The following TONSL variants were observed in gnomAD, a reference collection of about 807,000 sequenced individuals.
The protein encoded by TONSL is tonsoku like, DNA repair protein.
TONSL carries 112 observed loss-of-function variants against 147.1 expected under a neutral mutation model. The observed-to-expected ratio is 0.76, with a 90% CI of 0.65 to 0.89. TONSL has a LOEUF of 0.89. Among genes scored for constraint, TONSL ranks in the 40% least tolerant of loss-of-function variants. The probability of loss-of-function intolerance (pLI) is 0.00; values close to 1 mark genes in which losing one functional copy is unlikely to be tolerated. For synonymous variants in TONSL, 868 were observed against 801.5 expected (o/e 1.08, Z -1.40); for missense variants, 1,883 against 1,864.6 (o/e 1.01, Z -0.18).
chr8:144,444,182 T>C lies in TONSL; in HGVS notation c.119A>G (p.His40Arg). ...CGCCTCCTGGTCCCGGCGCTCACCA[T>C]GGCCGGCCAGGAGCTCCCCCAGCTG... ...CHQLGELLAG[H>R]GRYAEALEQH... Residue 40 changes from histidine (H) to arginine (R), a missense_variant and splice_region_variant, in exon 2 of 26, where the codon CAT (histidine) becomes CGT (arginine). Transcript: ENST00000409379. 1 of 1,445,292 alleles carries C rather than the reference T, an allele frequency of 6.9e-7. No individual in the cohort carries two copies. The highest frequency in any genetic ancestry group is 9.1e-7 in the Non-Finnish European group (1 of 1,101,764). 89.5% of individuals were successfully genotyped at this position (1,445,292 alleles called of 1,614,324 possible).
intron 20 of TONSL, 119 bp from the exon 21 acceptor site, chr8:144,434,398 G>T: frequency 1.1e-6 from 1 of 902,608 alleles, no homozygotes; most frequent in Non-Finnish European, 1.6e-6. Context: ...CAGACTTGCT[G>T]TAGAGCCCAC....
intron 23 of TONSL, among the ~76,000 whole-genome samples, 157 bp downstream of exon 23, chr8:144,432,128 C>T (rs182751671): frequency 6.7e-4 from 102 of 152,212 alleles, no homozygotes; most frequent in Non-Finnish European, 9.3e-4. Flanking sequence ...GCCTGGCCCC[C>T]CAGCTGTTTT....
At chr8:144,429,684 C>A (rs1015142050) in intron 25 of TONSL, among the ~76,000 whole-genome samples, 4 of 152,158 alleles carry the variant, frequency 2.6e-5, no homozygotes, top group African/African-American at 9.7e-5. Flanking sequence ...GAACACTAAG[C>A]TCAGGAATTC....
chr8:144,435,706 G>T lies in TONSL; in HGVS notation c.2727C>A (p.Pro909=). 6.2e-7 allele frequency: 1 copy of T among 1,611,758 alleles called. No homozygotes were observed. Residue 909 remains proline (P), a synonymous_variant, in exon 17 of 26, where the codon CCC becomes CCA. Coordinates refer to ENST00000409379, the MANE Select transcript of TONSL (RefSeq NM_013432.5). Reference sequence around the variant, plus strand: ...TGTCCCCACTGGGCTCTGAGACCCTGGGGGTGCTGGGGCTCCCTGGAGGTT... The same window carrying T: ...TGTCCCCACTGGGCTCTGAGACCCTTGGGGTGCTGGGGCTCCCTGGAGGTT... ...ASEPPGSPST[P]RVSEPSGDSS... is the part of the protein sequence containing the mutation.
At position 144,435,150 on chromosome 8, in the gene TONSL, G is replaced by A; in HGVS notation, c.2873C>T (p.Ala958Val). The change falls in exon 19 of 26, where the codon GCC becomes GTC. Residue 958 changes from alanine to valine, a missense_variant. Ala to Val is a moderately conservative substitution (Grantham distance 64, BLOSUM62 0). Transcript: ENST00000409379. ...VPHSSDTHSVAWLAEQAAQRY... is the reference protein window; with the variant it reads ...VPHSSDTHSVVWLAEQAAQRY... Reference sequence around the variant, plus strand: ...CTGGGCCGCCTGCTCGGCCAGCCAGGCCACAGAGTGGGTGTCACTGCTGCA... The same window carrying A: ...CTGGGCCGCCTGCTCGGCCAGCCAGACCACAGAGTGGGTGTCACTGCTGCA... The A allele has an allele frequency of 1.3e-6, 2 of 1,563,992 alleles. No individual in the cohort carries two copies. The highest frequency in any genetic ancestry group is 1.4e-5 in the African/African-American group (1 of 73,720).
chr8:144,438,762 G>A (rs1446138437), intron 11 of TONSL, 27 bp from the exon 12 acceptor site: 5 of 1,607,388 alleles, frequency 3.1e-6, no homozygotes, highest in Non-Finnish European at 4.2e-6. Flanking sequence ...CCCACCCCAG[G>A]GGAGTCCGTG....
chr8:144,441,280 G>A, intron 7 of TONSL, 169 bp from the exon 8 acceptor site: 3 of 999,368 alleles, frequency 3.0e-6, no homozygotes, highest in Non-Finnish European at 4.3e-6. Context: ...GGTCTCAAGG[G>A]TCACAAGAAC....
rs1554878438 is a variant in TONSL at position 144,430,552 on chromosome 8, G to T, written c.3810-15C>A. ...GAGAGAGACATCTGAGATAACATGGGAAGAAGTGCAAAGGTTGGCTTCCAG... is the reference window on the plus strand; with the variant it reads ...GAGAGAGACATCTGAGATAACATGGTAAGAAGTGCAAAGGTTGGCTTCCAG... On this transcript the variant is annotated splice_polypyrimidine_tract_variant and intron_variant, in intron 24 of 25. Coordinates refer to ENST00000409379, the MANE Select transcript of TONSL (RefSeq NM_013432.5). The T allele has an allele frequency of 1.2e-6, 2 of 1,601,792 alleles. No individual in the cohort carries two copies. The highest frequency in any genetic ancestry group is 1.7e-6 in the Non-Finnish European group (2 of 1,173,934).
In TONSL at chr8:144,431,090, C is replaced by G. The variant is rs374717341; in HGVS notation, c.3797G>C (p.Arg1266Thr). 17 of 1,614,186 alleles carry G rather than the reference C, an allele frequency of 1.1e-5. No individual in the cohort carries two copies. The highest frequency in any genetic ancestry group is 2.2e-5 in the East Asian group (1 of 44,886). The part of the protein sequence containing the change: ...SANHLGDKAV[R>T]DLCRCLSLCP... ...GAAAGGGCGTTACCTGCACAGGTCT[C>G]TAACAGCCTTGTCCCCCAGGTGGTT... is the stretch of plus-strand genomic sequence containing the variant. The change falls in exon 24 of 26, where the codon AGA becomes ACA. Residue 1266 changes from arginine to threonine, a missense_variant. Physicochemically the swap from Arg to Thr is moderately conservative, Grantham distance 71. Coordinates refer to ENST00000409379, the MANE Select transcript of TONSL (RefSeq NM_013432.5).
intron 24 of TONSL, 74 bp from the exon 25 acceptor site, chr8:144,430,611 A>C (rs1823148473): frequency 1.3e-6 from 2 of 1,511,842 alleles, no homozygotes; most frequent in African/African-American, 2.8e-5. Context: ...AAAGCTGCCC[A>C]GACAAATGCC....
At position 144,441,083 on chromosome 8, in the gene TONSL, C is replaced by G. The variant is rs765751071; in HGVS notation, c.894G>C (p.Gln298His). 1.9e-6 allele frequency: 3 copies of G among 1,612,758 alleles called. No homozygotes were observed. Among genetic ancestry groups the G allele is most frequent in the Non-Finnish European group, 2.5e-6 (3 of 1,179,998 alleles). The change falls in exon 8 of 26, where the codon CAG becomes CAC. Residue 298 changes from glutamine to histidine, a missense_variant. Gln to His is a conservative substitution (Grantham distance 24, BLOSUM62 0). Coordinates refer to ENST00000409379, the MANE Select transcript of TONSL (RefSeq NM_013432.5). The part of the protein sequence containing the change: ...HVLAVVRLQQ[Q>H]LEEAEGRDPQ... ...GGTCTCTGCCCTCAGCCTCTTCCAG[C>G]TGTTGCTGCAGCCGGACCACTGCCA...
chr8:144,442,625 T>A, intron 5 of TONSL, 52 bp downstream of exon 5: 1 of 1,586,392 alleles, frequency 6.3e-7, no homozygotes, highest in Non-Finnish European at 8.6e-7. Context: ...CCTAACTACT[T>A]CCTCCAGGAA....
chr8:144,440,703 G>T lies in TONSL; in HGVS notation c.1164+15C>A. 6.2e-7 allele frequency: 1 copy of T among 1,608,840 alleles called. No homozygotes were observed. The highest frequency in any genetic ancestry group is 8.5e-7 in the Non-Finnish European group (1 of 1,177,374). ...ATGGGTGAACCTGCATTCGGGCGGGGAGCAAGGGTTTCACCTCCAGCACGT... is the reference window on the plus strand; with the variant it reads ...ATGGGTGAACCTGCATTCGGGCGGGTAGCAAGGGTTTCACCTCCAGCACGT... On this transcript the variant is annotated intron_variant, in intron 9 of 25. Transcript: ENST00000409379.
chr8:144,440,273 T>G, intron 10 of TONSL, 63 bp from the exon 11 acceptor site: 1 of 1,557,202 alleles, frequency 6.4e-7, no homozygotes, highest in East Asian at 2.3e-5. Flanking sequence ...AAGATGGGGA[T>G]GGGGCACAAG....
intron 3 of TONSL, 102 bp downstream of exon 3, chr8:144,443,780 C>T (rs1823804653): frequency 6.8e-7 from 1 of 1,473,830 alleles, no homozygotes; most frequent in Non-Finnish European, 9.1e-7. Flanking sequence ...TCAGGTGTCC[C>T]CTCCAGCCCG....
At position 144,444,376 on chromosome 8, in the gene TONSL, C is replaced by A; in HGVS notation, c.25+14G>T. 7.8e-7 allele frequency: 1 copy of A among 1,278,258 alleles called. No homozygotes were observed. 79.2% of individuals were successfully genotyped at this position (1,278,258 alleles called of 1,614,324 possible). ...CTCCGCGCCCCCGGAGGAAGGGGTCCCCGAGGAACTTACGGCGAAGCTCGC... is the reference window on the plus strand; with the variant it reads ...CTCCGCGCCCCCGGAGGAAGGGGTCACCGAGGAACTTACGGCGAAGCTCGC... On this transcript the variant is annotated intron_variant, in intron 1 of 25. Transcript: ENST00000409379.
chr8:144,430,537 T>A lies in TONSL; in HGVS notation c.3810A>T (p.Arg1270Ser). The A allele has an allele frequency of 6.2e-7, 1 of 1,607,894 alleles. No individual in the cohort carries two copies. The highest frequency in any genetic ancestry group is 8.5e-7 in the Non-Finnish European group (1 of 1,177,116). Residue 1270 changes from arginine to serine, a missense_variant and splice_region_variant, in exon 25 of 26, where the codon AGA becomes AGT. By Grantham distance (110) the Arg-to-Ser change is moderately radical. Coordinates refer to ENST00000409379, the MANE Select transcript of TONSL (RefSeq NM_013432.5). ...LGDKAVRDLC[R>S]CLSLCPSLIS... ...TGAGTGAGGGGCACAGAGAGAGACA[T>A]CTGAGATAACATGGGAAGAAGTGCA... is the stretch of plus-strand genomic sequence containing the variant.
intron 20 of TONSL, among the ~76,000 whole-genome samples, chr8:144,434,494 G>C (rs543887662): frequency 1.3e-5 from 2 of 152,284 alleles, no homozygotes; most frequent in Admixed American, 1.3e-4. Flanking sequence ...GTCACTGCCA[G>C]ATTCCACACC....
intron 5 of TONSL, 115 bp downstream of exon 5, chr8:144,442,562 G>A (rs1823759970): frequency 6.7e-7 from 1 of 1,499,210 alleles, no homozygotes; most frequent in South Asian, 1.3e-5. Flanking sequence ...AGAGGTGGGG[G>A]GATGAGGCCC....
Sources: gnomAD v4.1 joint callset for allele counts (sites outside exome capture counted in the v4.1 genomes callset) on GRCh38, gnomAD v4.1.1 for gene constraint, MANE v1.5 for transcripts, NCBI Gene and HGNC (gene_info 2026-07-23, HGNC 2026-07-21) for gene names.